ZFHX3: variants seen among roughly 807,000 people sequenced by gnomAD.
ZFHX3 encodes zinc finger homeobox 3.
A neutral mutation model predicts 279.1 loss-of-function variants in ZFHX3; 42 were observed. The observed-to-expected ratio is 0.15, with a 90% CI of 0.12 to 0.19. The LOEUF (loss-of-function observed/expected upper bound fraction) is 0.19. Ranked by LOEUF, ZFHX3 falls within the 10% of genes least tolerant of loss-of-function variation. ZFHX3 has a pLI of 1.00. For synonymous variants in ZFHX3, 2,293 were observed against 1,957.8 expected (o/e 1.17, Z -4.52); for missense variants, 4,981 against 4,754.0 (o/e 1.05, Z -1.40).
intron 2 of ZFHX3, among the ~76,000 whole-genome samples, chr16:73,599,706 TA>T (rs2052090433): frequency 7.2e-6 from 1 of 139,314 alleles, no homozygotes; most frequent in South Asian, 2.4e-4. Context: ...ACACAATGAA[TA>T]ATAAATTCCA....
intron 5 of ZFHX3, among the ~76,000 whole-genome samples, chr16:73,192,837 T>A (rs987793357): frequency 2.0e-5 from 3 of 152,214 alleles, no homozygotes; most frequent in Admixed American, 6.5e-5. Context: ...CCTCTCCTTT[T>A]TCTTGTCTCC....
At chr16:72,993,724 G>A (rs576712842) in intron 1 of ZFHX3, among the ~76,000 whole-genome samples, 6 of 152,182 alleles carry the variant, frequency 3.9e-5, no homozygotes, top group South Asian at 4.2e-4. Context: ...GTTTGCTCAC[G>A]ATAACTCCTG....
At position 72,958,573 on chromosome 16, in the gene ZFHX3, G is replaced by C. The variant is rs1368369137; in HGVS notation, c.1573C>G (p.Leu525Val). 1 of 1,614,160 alleles carries C rather than the reference G, an allele frequency of 6.2e-7. No homozygotes were observed. Among genetic ancestry groups the C allele is most frequent in the South Asian group, 1.1e-5 (1 of 91,080 alleles). ...GAGTTAGAAATGCTTTGGTTTGAGA[G>C]AGCAAGGTCCTTTTTGCTGCTACTA... ...AGSSSKKDLA[L>V]SNQSISNSPL... is the part of the protein sequence containing the mutation. Residue 525 changes from leucine to valine, a missense_variant, in exon 2 of 10, where the codon CTC (leucine) becomes GTC (valine). Leu to Val is a conservative substitution (Grantham distance 32). This residue lies in a region of ZFHX3 where 1,068 missense variants were observed against 935.2 expected (regional missense o/e 1.14). Coordinates refer to ENST00000268489, the MANE Select transcript of ZFHX3 (RefSeq NM_006885.4).
At chr16:73,795,206 C>T (rs1959955954) in intron 1 of ZFHX3, among the ~76,000 whole-genome samples, 1 of 152,248 alleles carries the variant, frequency 6.6e-6, no homozygotes, top group African/African-American at 2.4e-5. Flanking sequence ...GAGCATCTGG[C>T]TCTGATACAT....
intron 1 of ZFHX3, among the ~76,000 whole-genome samples, chr16:73,692,045 C>T (rs1245429535): frequency 6.6e-6 from 1 of 152,178 alleles, no homozygotes; most frequent in African/African-American, 2.4e-5. Context: ...TGACCTTTTC[C>T]TGTTGCAGAT....
intron 3 of ZFHX3, among the ~76,000 whole-genome samples, chr16:73,415,475 C>A (rs2017552878): frequency 6.6e-6 from 1 of 152,208 alleles, no homozygotes; most frequent in Non-Finnish European, 1.5e-5. Flanking sequence ...ACTATGGATT[C>A]TTCAATCTGG....
At chr16:72,825,668 G>A (rs1340868526) in intron 5 of ZFHX3, among the ~76,000 whole-genome samples, 1 of 152,248 alleles carries the variant, frequency 6.6e-6, no homozygotes, top group Non-Finnish European at 1.5e-5. Flanking sequence ...GCCTGGCACA[G>A]GGTTAGAGCT....
At chr16:73,543,249 T>C (rs895364573) in intron 2 of ZFHX3, among the ~76,000 whole-genome samples, 1 of 152,254 alleles carries the variant, frequency 6.6e-6, no homozygotes, top group Non-Finnish European at 1.5e-5. Context: ...TCCCTCAGGA[T>C]GACCAGATTA....
chr16:73,010,358 CA>C (rs1597087396), intron 1 of ZFHX3, among the ~76,000 whole-genome samples: 1 of 152,316 alleles, frequency 6.6e-6, no homozygotes, highest in East Asian at 1.9e-4. Context: ...GCCGCTAAAA[CA>C]AAAGACGGAT....
chr16:73,719,364 T>C (rs1398522983), intron 1 of ZFHX3, among the ~76,000 whole-genome samples: 1 of 152,192 alleles, frequency 6.6e-6, no homozygotes, highest in African/African-American at 2.4e-5. Context: ...GGCACCTGCG[T>C]GGTCACCAGC....
chr16:73,563,129 A>G (rs897349855), intron 2 of ZFHX3, among the ~76,000 whole-genome samples: 1 of 150,860 alleles, frequency 6.6e-6, no homozygotes, highest in Non-Finnish European at 1.5e-5. Flanking sequence ...GGAGGTGGGC[A>G]GCCTCTGAAA....
intron 5 of ZFHX3, among the ~76,000 whole-genome samples, chr16:73,187,234 G>A (rs1967933514): frequency 6.6e-6 from 1 of 151,942 alleles, no homozygotes; most frequent in Admixed American, 6.6e-5. Flanking sequence ...TTGAGTGACA[G>A]CATTTCTTCC....
exon 1 of ZFHX3, chr16:73,058,621 G>C (rs1038677833): frequency 2.5e-5 from 6 of 237,128 alleles, no homozygotes; most frequent in Non-Finnish European, 4.0e-5. Flanking sequence ...CCCGAAAAGA[G>C]GCGCTCGGGC....
chr16:73,571,846 A>G (rs1347603547), intron 2 of ZFHX3, among the ~76,000 whole-genome samples: 2 of 152,200 alleles, frequency 1.3e-5, no homozygotes, highest in Non-Finnish European at 2.9e-5. Context: ...GGGCATTCCA[A>G]TAACCATAGT....
chr16:72,900,135 C>G (rs546212795), intron 3 of ZFHX3, among the ~76,000 whole-genome samples: 1 of 52,142 alleles, frequency 1.9e-5, no homozygotes, highest in African/African-American at 9.8e-5. Context: ...CATGCCCTTG[C>G]CAAAAAAAAA....
intron 3 of ZFHX3, among the ~76,000 whole-genome samples, chr16:73,408,238 ATTG>A (rs1233770949): frequency 1.3e-5 from 2 of 152,046 alleles, no homozygotes; most frequent in African/African-American, 2.4e-5. Context: ...AGAAAAGTCT[ATTG>A]TTGTGTCCAC....
chr16:73,487,305 G>T, intron 2 of ZFHX3: 1 of 326,550 alleles, frequency 3.1e-6, no homozygotes, highest in South Asian at 2.5e-5. Flanking sequence ...TGGCGCTGTA[G>T]GGTGCAGTTA....
At chr16:72,992,148 C>G (rs993002423) in intron 1 of ZFHX3, among the ~76,000 whole-genome samples, 4 of 152,148 alleles carry the variant, frequency 2.6e-5, no homozygotes, top group Non-Finnish European at 5.9e-5. Flanking sequence ...GTCCTAGTTT[C>G]TTCTAAGTAT....
chr16:73,637,230 C>CTTT (rs1215790905), intron 2 of ZFHX3, among the ~76,000 whole-genome samples: 8 of 121,682 alleles, frequency 6.6e-5, no homozygotes, highest in Non-Finnish European at 1.1e-4. Context: ...TTTTTTTGTT[C>CTTT]TTTTTTTTTT....
Sources: allele counts gnomAD v4.1 joint callset (sites outside exome capture counted in the v4.1 genomes callset), GRCh38; gene constraint gnomAD v4.1.1; regional missense constraint gnomAD v4.1.1; transcripts MANE v1.5; gene names NCBI Gene and HGNC (gene_info 2026-07-23, HGNC 2026-07-21).